TAOK2: variants seen among roughly 807,000 people sequenced by gnomAD.
TAOK2 encodes TAO kinase 2.
In TAOK2, 42 loss-of-function variants were observed where a neutral mutation model predicts 122.5. The ratio of observed to expected loss-of-function variants is 0.34; its 90% CI spans 0.27 to 0.44. The LOEUF (loss-of-function observed/expected upper bound fraction) is 0.44, where lower values mean the gene tolerates loss of function less well. Ranked by LOEUF, TAOK2 falls within the 20% of genes least tolerant of loss-of-function variation. The pLI is 1.00. For synonymous variants in TAOK2, 704 were observed against 677.6 expected (o/e 1.04, Z -0.61); for missense variants, 1,264 against 1,644.9 (o/e 0.77, Z 4.01).
At chr16:29,976,979 A>G (rs2069474388) in intron 1 of TAOK2, among the ~76,000 whole-genome samples, 1 of 152,192 alleles carries the variant, frequency 6.6e-6, no homozygotes, top group Non-Finnish European at 1.5e-5. Context: ...TACTTGCTTC[A>G]TAAGGTTGTA....
At position 29,978,230 on chromosome 16, in the gene TAOK2, TCTGC is replaced by T; in HGVS notation, c.205-19_205-16del. On this transcript the variant is annotated intron_variant, in intron 3 of 15. Coordinates refer to ENST00000308893, the MANE Select transcript of TAOK2 (RefSeq NM_016151.4). ...GTCTCAAGATGCAAGCTGGGTAACC[TCTGC>T]CTACCCTGACCCCCTAGAAATGGCA... 6.2e-7 allele frequency: 1 copy of T among 1,613,862 alleles called. No individual in the cohort carries two copies.
chr16:29,987,334 C>T lies in TAOK2; in HGVS notation c.3062C>T (p.Ala1021Val). 1.3e-6 allele frequency: 2 copies of T among 1,533,236 alleles called. No individual in the cohort carries two copies. The highest frequency in any genetic ancestry group is 1.3e-5 in the South Asian group (1 of 77,972). The allele number at this position is 1,533,236 out of a possible 1,614,324, so 95.0% of individuals were successfully genotyped here. The part of the protein sequence containing the change: ...HLPSSLFLLL[A>V]QGTALGAVLG... Reference sequence around the variant, plus strand: ...CCCTCCAGTCTTTTCCTACTCCTGGCCCAGGGTACCGCACTGGGGGCCGTC... The same window carrying T: ...CCCTCCAGTCTTTTCCTACTCCTGGTCCAGGGTACCGCACTGGGGGCCGTC... Residue 1021 changes from alanine (A) to valine (V), a missense_variant, in exon 16 of 16, where the codon GCC becomes GTC. Physicochemically the swap from Ala to Val is moderately conservative, Grantham distance 64. Transcript: ENST00000308893.
rs56357942 is a variant in TAOK2 at position 29,977,895 on chromosome 16, C to T, written c.123C>T (p.Ala41=). ...LREIGHGSFG[A]VYFARDVRNS... Reference sequence around the variant, plus strand: ...AAATTGGCCATGGCAGCTTTGGAGCCGTATACTTTGTGAGTTGGGTCTTGG... The same window carrying T: ...AAATTGGCCATGGCAGCTTTGGAGCTGTATACTTTGTGAGTTGGGTCTTGG... The change falls in exon 2 of 16, where the codon GCC becomes GCT. Residue 41 remains alanine (A), a synonymous_variant. Coordinates refer to ENST00000308893, the MANE Select transcript of TAOK2 (RefSeq NM_016151.4). 31,368 of 1,614,112 alleles carry T rather than the reference C, an allele frequency of 0.019. 357 individuals are homozygous for T. Among genetic ancestry groups the T allele is most frequent in the Non-Finnish European group, 0.023 (26,584 of 1,180,006 alleles).
At chr16:29,988,718 T>C, downstream of TAOK2, 1 of 985,414 alleles carries the variant, frequency 1.0e-6, no homozygotes, top group Non-Finnish European at 1.2e-6. Flanking sequence ...CAACCATGGC[T>C]GCAGGGGACC....
Position 29,986,482 on chromosome 16 carries a change from G to T in TAOK2, c.2210G>T (p.Arg737Leu). The T allele has an allele frequency of 6.2e-7, 1 of 1,604,252 alleles. No homozygotes were observed. The highest frequency in any genetic ancestry group is 8.5e-7 in the Non-Finnish European group (1 of 1,174,966). ...CGGCAGAAGCATGCGGCCCAGGTTC[G>T]CCAGCAGCCCAAGAGCCTCAAAGTA... ...ELRQKHAAQVRQQPKSLKVRA... is the reference protein window; with the variant it reads ...ELRQKHAAQVLQQPKSLKVRA... The change falls in exon 16 of 16, where the codon CGC becomes CTC. Residue 737 changes from arginine (R) to leucine (L), a missense_variant. Physicochemically the swap from Arg to Leu is moderately radical, Grantham distance 102. Transcript: ENST00000308893. The surrounding 1 kb of genome is among the most constrained non-coding windows in gnomAD (Gnocchi z 4.2).
chr16:29,987,622 A>C lies in TAOK2; in HGVS notation c.3350A>C (p.Lys1117Thr). 6.2e-7 allele frequency: 1 copy of C among 1,613,130 alleles called. No homozygotes were observed. The highest frequency in any genetic ancestry group is 1.3e-5 in the African/African-American group (1 of 75,012). Residue 1117 changes from lysine to threonine, a missense_variant, in exon 16 of 16, where the codon AAA (lysine) becomes ACA (threonine). Physicochemically the swap from Lys to Thr is moderately conservative, Grantham distance 78. Transcript: ENST00000308893. ...CGGGGTCTGTTTGCACTGTACCCCAAAACCAACAAGGATGGCTTCCGCAGC... is the reference window on the plus strand; with the variant it reads ...CGGGGTCTGTTTGCACTGTACCCCACAACCAACAAGGATGGCTTCCGCAGC... ...GDRGLFALYPKTNKDGFRSRL... is the reference protein window; with the variant it reads ...GDRGLFALYPTTNKDGFRSRL...
chr16:29,978,952 G>A (rs750780012), intron 5 of TAOK2, 22 bp from the exon 6 acceptor site: 1 of 1,614,128 alleles, frequency 6.2e-7, no homozygotes, highest in Non-Finnish European at 8.5e-7. Context: ...CCCTCGGGTT[G>A]ATGTTCTTCC....
downstream of TAOK2, chr16:29,988,932 C>T (rs1352389506): frequency 1.0e-6 from 1 of 985,348 alleles, no homozygotes. Context: ...TAGCTGCTGG[C>T]CGGTTGAACT....
Position 29,982,886 on chromosome 16 carries a change from C to T in TAOK2, c.984C>T (p.Ala328=), listed in dbSNP as rs2069660104. 8 of 1,613,950 alleles carry T rather than the reference C, an allele frequency of 5.0e-6. No homozygotes were observed. The highest frequency in any genetic ancestry group is 6.8e-6 in the Non-Finnish European group (8 of 1,179,930). The change falls in exon 11 of 16, where the codon GCC becomes GCT. Residue 328 remains alanine, a synonymous_variant. Coordinates refer to ENST00000308893, the MANE Select transcript of TAOK2 (RefSeq NM_016151.4). ...CACCCAACGGCCCTGGTGCCGAGGC[C>T]CCAGAGGAGGAAGAGGTGACCCAGC... The part of the protein sequence containing the change: ...QEAPNGPGAE[A]PEEEEEAEPY...
chr16:29,986,443 G>A lies in TAOK2; in HGVS notation c.2171G>A (p.Arg724His), dbSNP rs867355297. 4.4e-6 allele frequency: 7 copies of A among 1,607,248 alleles called. No homozygotes were observed. The highest frequency in any genetic ancestry group is 3.4e-5 in the Admixed American group (2 of 58,466). ...AACCAGCTGGAGTACAACAAGCGGC[G>A]TGAGCAAGAGTTGCGGCAGAAGCAT... ...LGNQLEYNKR[R>H]EQELRQKHAA... Residue 724 changes from arginine to histidine, a missense_variant, in exon 16 of 16, where the codon CGT (arginine) becomes CAT (histidine). Physicochemically the swap from Arg to His is conservative, Grantham distance 29. Coordinates refer to ENST00000308893, the MANE Select transcript of TAOK2 (RefSeq NM_016151.4). The surrounding 1 kb of genome is among the most constrained non-coding windows in gnomAD (Gnocchi z 4.2).
Position 29,985,632 on chromosome 16 carries a change from C to T in TAOK2, c.1789-26C>T, listed in dbSNP as rs767504330. 2 of 1,609,494 alleles carry T rather than the reference C, an allele frequency of 1.2e-6. No homozygotes were observed. Among genetic ancestry groups the T allele is most frequent in the East Asian group, 4.5e-5 (2 of 44,756 alleles). Reference sequence around the variant, plus strand: ...CGATGGCGAGCCAGGTGGGTCCTGACCCTGCTTCCCTCTGCACTCGCCCAG... The same window carrying T: ...CGATGGCGAGCCAGGTGGGTCCTGATCCTGCTTCCCTCTGCACTCGCCCAG... On this transcript the variant is annotated intron_variant, in intron 14 of 15. Coordinates refer to ENST00000308893, the MANE Select transcript of TAOK2 (RefSeq NM_016151.4). The surrounding 1 kb of genome is among the most constrained non-coding windows in gnomAD (Gnocchi z 6.9).
At position 29,985,895 on chromosome 16, in the gene TAOK2, A is replaced by G; in HGVS notation, c.1992+34A>G. The G allele has an allele frequency of 5.0e-6, 8 of 1,598,428 alleles. No individual in the cohort carries two copies. Among genetic ancestry groups the G allele is most frequent in the Non-Finnish European group, 6.8e-6 (8 of 1,171,916 alleles). On this transcript the variant is annotated intron_variant, in intron 15 of 15. Coordinates refer to ENST00000308893, the MANE Select transcript of TAOK2 (RefSeq NM_016151.4). The surrounding 1 kb of genome is among the most constrained non-coding windows in gnomAD (Gnocchi z 6.9). The stretch of plus-strand genomic sequence containing the variant: ...CCCAATCTCTGTTCCCCTCCCGCTC[A>G]CTCGTGGATCCCAGGGACCCACCCT...
intron 1 of TAOK2, 82 bp from the exon 2 acceptor site, chr16:29,977,656 A>G: frequency 7.8e-7 from 1 of 1,284,566 alleles, no homozygotes; most frequent in Non-Finnish European, 1.1e-6. Flanking sequence ...TGAGGGGAGG[A>G]GATGGCAGAA....
rs1045504313 is a variant in TAOK2 at position 29,985,041 on chromosome 16, T to C, written c.1423-172T>C. 9.9e-6 allele frequency: 8 copies of C among 805,350 alleles called. No homozygotes were observed. In the Admixed American group the frequency reaches 2.1e-4, roughly 21 times the overall value. 49.9% of individuals were successfully genotyped at this position (805,350 alleles called of 1,614,324 possible). A position where few individuals can be genotyped will look rare whatever the true frequency, so the allele number is the denominator to read the frequency against. On this transcript the variant is annotated intron_variant, in intron 13 of 15. Transcript: ENST00000308893. This position sits in a 1 kb window ranked among gnomAD's most constrained non-coding sequence, Gnocchi z 6.9. ...ACACCAACTTGTGATGTAGATAATA[T>C]CACCATTATCCAGTTGAGGAAACAG...
At chr16:29,978,396 A>C in intron 4 of TAOK2, 43 bp downstream of exon 4, 9 of 1,587,050 alleles carry the variant, frequency 5.7e-6, no homozygotes, top group Non-Finnish European at 7.8e-6. Context: ...ACTCCTATTC[A>C]TGCCCGTCCT....
Position 29,986,376 on chromosome 16 carries a change from C to A in TAOK2, c.2104C>A (p.Arg702=), listed in dbSNP as rs772010568. Reference sequence around the variant, plus strand: ...GCAGCTCCAGGCCGTGCAGCGCACGCGGGCTGAGCTCACCCGCCTGCAGCA... The same window carrying A: ...GCAGCTCCAGGCCGTGCAGCGCACGAGGGCTGAGCTCACCCGCCTGCAGCA... The part of the protein sequence containing the change: ...LRQLQAVQRT[R]AELTRLQHQT... The change falls in exon 16 of 16, where the codon CGG becomes AGG. Residue 702 remains arginine, a synonymous_variant. Coordinates refer to ENST00000308893, the MANE Select transcript of TAOK2 (RefSeq NM_016151.4). The surrounding 1 kb of genome is among the most constrained non-coding windows in gnomAD (Gnocchi z 4.2). The A allele has an allele frequency of 1.2e-6, 2 of 1,607,114 alleles. No homozygotes were observed. The highest frequency in any genetic ancestry group is 1.7e-6 in the Non-Finnish European group (2 of 1,176,598).
rs763530752 is a variant in TAOK2, at chr16:29,985,614, G to C, written c.1788+36G>C. ...GCTGCTTGGGGGCGGAGCCGATGGC[G>C]AGCCAGGTGGGTCCTGACCCTGCTT... On this transcript the variant is annotated intron_variant, in intron 14 of 15. Transcript: ENST00000308893. The surrounding 1 kb of genome is among the most constrained non-coding windows in gnomAD (Gnocchi z 6.9). 3 of 1,603,770 alleles carry C rather than the reference G, an allele frequency of 1.9e-6. No individual in the cohort carries two copies. The African/African-American group carries it at 4.0e-5, about 21-fold the overall frequency.
chr16:29,986,328 G>A lies in TAOK2; in HGVS notation c.2056G>A (p.Ala686Thr). The A allele has an allele frequency of 7.6e-6, 12 of 1,571,966 alleles. No individual in the cohort carries two copies. Among genetic ancestry groups the A allele is most frequent in the Non-Finnish European group, 1.0e-5 (12 of 1,156,730 alleles). The change falls in exon 16 of 16, where the codon GCC (alanine) becomes ACC (threonine). Residue 686 changes from alanine to threonine, a missense_variant. This residue lies in a region of TAOK2 where 824 missense variants were observed against 908.7 expected (regional missense o/e 0.91). Coordinates refer to ENST00000308893, the MANE Select transcript of TAOK2 (RefSeq NM_016151.4). This position sits in a 1 kb window ranked among gnomAD's most constrained non-coding sequence, Gnocchi z 4.2. ...TGCACTGCTGCTTCGGCAGCACGAG[G>A]CCACGCGGGAGCTGGAGCTGCGGCA... ...ECALLLRQHEATRELELRQLQ... is the reference protein window; with the variant it reads ...ECALLLRQHETTRELELRQLQ...
rs1483933331 is a variant in TAOK2, at chr16:29,982,876, G to C, written c.974G>C (p.Gly325Ala). The C allele has an allele frequency of 3.1e-6, 5 of 1,614,054 alleles. No individual in the cohort carries two copies. In the South Asian group the frequency reaches 5.5e-5, roughly 18 times the overall value. ...TTCCAAGAGGCACCCAACGGCCCTG[G>C]TGCCGAGGCCCCAGAGGAGGAAGAG... Reference protein sequence around the residue: ...ILFQEAPNGPGAEAPEEEEEA... With the variant: ...ILFQEAPNGPAAEAPEEEEEA... The change falls in exon 11 of 16, where the codon GGT becomes GCT. Residue 325 changes from glycine to alanine, a missense_variant. This residue lies in a region of TAOK2 where 254 missense variants were observed against 503.8 expected (regional missense o/e 0.50). Coordinates refer to ENST00000308893, the MANE Select transcript of TAOK2 (RefSeq NM_016151.4).
Sources: allele counts gnomAD v4.1 joint callset (sites outside exome capture counted in the v4.1 genomes callset), GRCh38; gene constraint gnomAD v4.1.1; regional missense constraint gnomAD v4.1.1; non-coding constraint Gnocchi (gnomAD v3.1); transcripts MANE v1.5; gene names NCBI Gene and HGNC (gene_info 2026-07-23, HGNC 2026-07-21).